DOCK1: variants seen among roughly 807,000 people sequenced by gnomAD.
The protein encoded by DOCK1 is dedicator of cytokinesis protein 1.
A neutral mutation model predicts 262.7 loss-of-function variants in DOCK1; 138 were observed. That is an observed-to-expected ratio of 0.53 (90% confidence interval 0.46 to 0.61). The LOEUF (loss-of-function observed/expected upper bound fraction) is 0.61, where lower values mean the gene tolerates loss of function less well. DOCK1 is among the 20% of genes least tolerant of loss of function. The probability of loss-of-function intolerance (pLI) is 0.00; values close to 1 mark genes in which losing one functional copy is unlikely to be tolerated. For missense variants in DOCK1, 1,908 were observed against 2,370.7 expected (o/e 0.80, Z 4.05); for synonymous variants, 866 against 867.4 (o/e 1.00, Z 0.03).
intron 27 of DOCK1, among the ~76,000 whole-genome samples, chr10:127,218,906 T>C (rs2058318362): frequency 6.6e-6 from 1 of 152,184 alleles, no homozygotes; most frequent in African/African-American, 2.4e-5. Context: ...CCTTGTTGCT[T>C]CATCCTCTGG....
intron 47 of DOCK1, among the ~76,000 whole-genome samples, chr10:127,432,082 C>A (rs1260003611): frequency 6.6e-6 from 1 of 152,172 alleles, no homozygotes; most frequent in African/African-American, 2.4e-5. Flanking sequence ...TGAGGTGCAA[C>A]AGTTTCATCC....
chr10:127,410,644 G>A (rs1390669155), intron 42 of DOCK1, among the ~76,000 whole-genome samples, 196 bp from the exon 43 acceptor site: 1 of 152,154 alleles, frequency 6.6e-6, no homozygotes, highest in South Asian at 2.1e-4. Flanking sequence ...ACAGGGAAGA[G>A]GCAAAAACTC....
chr10:127,228,019 T>G (rs1011227118), intron 27 of DOCK1, among the ~76,000 whole-genome samples: 6 of 152,230 alleles, frequency 3.9e-5, no homozygotes, highest in Admixed American at 2.0e-4. Flanking sequence ...CTTTGACTCT[T>G]TCTTCCCCAT....
chr10:127,033,107 A>G lies in DOCK1; in HGVS notation c.1912+787A>G, dbSNP rs910489621. ...CCTCAAAGGGCTTAGTGAGGGTTAC[A>G]TGAACAGTGGGCTGGGAGCTCACCT... On this transcript the variant is annotated intron_variant, in intron 18 of 51. Transcript: ENST00000623213. Among the ~76,000 whole-genome samples, 6 of 152,226 alleles carry G rather than the reference A, an allele frequency of 3.9e-5. 1 individual carries two copies. Among genetic ancestry groups the G allele is most frequent in the Non-Finnish European group, 7.3e-5 (5 of 68,040 alleles).
At chr10:127,048,385 TTGTG>T (rs1467305890) in intron 21 of DOCK1, among the ~76,000 whole-genome samples, 6 of 152,182 alleles carry the variant, frequency 3.9e-5, no homozygotes, top group Non-Finnish European at 5.9e-5. Flanking sequence ...GTGTATGTGT[TTGTG>T]TGTTTATACA....
intron 29 of DOCK1, among the ~76,000 whole-genome samples, chr10:127,267,900 A>G (rs1339488726): frequency 6.6e-6 from 1 of 152,192 alleles, no homozygotes; most frequent in African/African-American, 2.4e-5. Context: ...CGTCTAGAAC[A>G]GGAGGAAGAG....
rs2037430501 is a variant in DOCK1 at position 126,963,636 on chromosome 10, T to TCCCC, written c.47-7066_47-7065insCCCC. Among the ~76,000 whole-genome samples the TCCCC allele has an allele frequency of 1.2e-4, 9 of 77,650 alleles. 1 individual carries two copies. The highest frequency in any genetic ancestry group is 5.4e-4 in the South Asian group (1 of 1,854). The allele number at this position is 77,650 out of a possible 152,430, so 50.9% of individuals were successfully genotyped here. A position where few individuals can be genotyped will look rare whatever the true frequency, so the allele number is the denominator to read the frequency against. ...TTCCCTTCCCTTCCCTTCCCTTCCC[T>TCCCC]TCCCTCCTTCCTTCCTTCCTTCCTT... On this transcript the variant is annotated intron_variant, in intron 1 of 51. Coordinates refer to ENST00000623213, the MANE Select transcript of DOCK1 (RefSeq NM_001290223.2).
chr10:126,905,487 C>T lies in DOCK1; in HGVS notation c.-31C>T. ...AATGGCGGCCTAGACGCGGAGTTTC[C>T]TGCCCGACCCGCGGCGGCTCCGGCG... On this transcript the variant is annotated 5_prime_UTR_variant, in exon 1 of 52. Transcript: ENST00000623213. 1.9e-6 allele frequency: 1 copy of T among 529,596 alleles called. No individual in the cohort carries two copies. The highest frequency in any genetic ancestry group is 3.5e-6 in the Non-Finnish European group (1 of 286,668). 32.8% of individuals were successfully genotyped at this position (529,596 alleles called of 1,614,324 possible). A position where few individuals can be genotyped will look rare whatever the true frequency, so the allele number is the denominator to read the frequency against.
At chr10:127,225,625 G>C (rs2058606166) in intron 27 of DOCK1, among the ~76,000 whole-genome samples, 1 of 152,216 alleles carries the variant, frequency 6.6e-6, no homozygotes, top group African/African-American at 2.4e-5. Flanking sequence ...GGTTGCTTTG[G>C]AATAATAGCG....
intron 1 of DOCK1, among the ~76,000 whole-genome samples, chr10:126,912,760 A>T (rs1254353005): frequency 3.3e-5 from 5 of 151,256 alleles, no homozygotes; most frequent in African/African-American, 1.2e-4. Context: ...AAAGGACACT[A>T]GTCATGCTGG....
intron 39 of DOCK1, among the ~76,000 whole-genome samples, chr10:127,403,491 G>A (rs1450426544): frequency 6.6e-6 from 1 of 152,216 alleles, no homozygotes; most frequent in African/African-American, 2.4e-5. Flanking sequence ...CAGGCGCACT[G>A]GCTCACGCCT....
At position 126,905,996 on chromosome 10, in the gene DOCK1, C is replaced by T. The variant is rs1462065170; in HGVS notation, c.46+433C>T. On this transcript the variant is annotated intron_variant, in intron 1 of 51. Transcript: ENST00000623213. The stretch of plus-strand genomic sequence containing the variant: ...CTGCTTCTTGGATGAACTTGCGTCC[C>T]GCGTCCGGGCTCTGGGTGGGCGGGC... Among the ~76,000 whole-genome samples the T allele has an allele frequency of 2.0e-5, 3 of 152,222 alleles. No individual in the cohort carries two copies. In the Middle Eastern group the frequency reaches 0.01, roughly 521 times the overall value.
chr10:127,080,311 G>A (rs750605578), intron 23 of DOCK1, among the ~76,000 whole-genome samples: 3 of 151,998 alleles, frequency 2.0e-5, no homozygotes, highest in Non-Finnish European at 2.9e-5. Flanking sequence ...TGCTAAGCTG[G>A]GTTGATAATT....
chr10:126,948,726 C>T (rs1269152310), intron 1 of DOCK1, among the ~76,000 whole-genome samples: 1 of 152,022 alleles, frequency 6.6e-6, no homozygotes, highest in African/African-American at 2.4e-5. Context: ...CCCAGCTGTG[C>T]AGCTGCCATC....
At chr10:127,336,758 C>T (rs1441508275) in intron 29 of DOCK1, among the ~76,000 whole-genome samples, 3 of 152,042 alleles carry the variant, frequency 2.0e-5, no homozygotes, top group Non-Finnish European at 2.9e-5. Context: ...CCAGGATGGT[C>T]TCAATCTCCT....
At chr10:127,280,009 C>CATATAT (rs10525314) in intron 29 of DOCK1, among the ~76,000 whole-genome samples, 1,459 of 114,284 alleles carry the variant, frequency 0.013, 16 homozygotes, top group African/African-American at 0.02. Context: ...AATTTTATTT[C>CATATAT]ATATATATAT....
At chr10:127,335,406 C>T (rs983141184) in intron 29 of DOCK1, among the ~76,000 whole-genome samples, 46 of 152,212 alleles carry the variant, frequency 3.0e-4, no homozygotes, top group Non-Finnish European at 2.4e-4. Flanking sequence ...TCCTCCCATC[C>T]AAACACTTGG....
intron 26 of DOCK1, among the ~76,000 whole-genome samples, chr10:127,126,678 T>A (rs1413357999): frequency 6.6e-6 from 1 of 152,156 alleles, no homozygotes; most frequent in East Asian, 1.9e-4. Flanking sequence ...CACATGATGC[T>A]ATTGATCTTC....
intron 38 of DOCK1, among the ~76,000 whole-genome samples, chr10:127,402,190 G>C (rs2067262785): frequency 6.6e-6 from 1 of 152,130 alleles, no homozygotes; most frequent in Admixed American, 6.5e-5. Context: ...GAGGAGGAAT[G>C]ACAAAGGGTC....
Sources: allele counts gnomAD v4.1 joint callset (sites outside exome capture counted in the v4.1 genomes callset), GRCh38; gene constraint gnomAD v4.1.1; transcripts MANE v1.5; gene names NCBI Gene and HGNC (gene_info 2026-07-23, HGNC 2026-07-21).